ZNF805: variants seen among roughly 807,000 people sequenced by gnomAD.
ZNF805 encodes the protein zinc finger protein 805, also known as CTC-444N24.8.
Under a neutral mutation model 13.6 loss-of-function variants are expected in ZNF805, and 7 were observed. That is an observed-to-expected ratio of 0.51 (90% confidence interval 0.29 to 0.97). The LOEUF is 0.97. Among genes scored for constraint, ZNF805 ranks in the 50% least tolerant of loss-of-function variants. The probability of loss-of-function intolerance (pLI) is 0.08; values close to 1 mark genes in which losing one functional copy is unlikely to be tolerated. For synonymous variants in ZNF805, 293 were observed against 279.8 expected (o/e 1.05, Z -0.47); for missense variants, 604 against 771.0 (o/e 0.78, Z 2.57).
chr19:57,248,023 A>G (rs1412675738), intron 2 of ZNF805, among the ~76,000 whole-genome samples: 1 of 152,220 alleles, frequency 6.6e-6, no homozygotes, highest in African/African-American at 2.4e-5. Context: ...CCTGGCCATC[A>G]TAGTGAAACC....
At chr19:57,243,545 A>C (rs2087592231) in intron 1 of ZNF805, among the ~76,000 whole-genome samples, 1 of 152,190 alleles carries the variant, frequency 6.6e-6, no homozygotes, top group Non-Finnish European at 1.5e-5. Context: ...AGTTGCTTTA[A>C]AACAGAACAT....
At position 57,245,586 on chromosome 19, in the gene ZNF805, T is replaced by C. The variant is rs559246282; in HGVS notation, c.157+1537T>C. Among the ~76,000 whole-genome samples the C allele has an allele frequency of 1.6e-3, 238 of 149,224 alleles. 2 individuals are homozygous for C. Among genetic ancestry groups the C allele is most frequent in the East Asian group, 2.2e-3 (11 of 4,956 alleles). ...CAAGGTCAGGAGATAGAGACCATCCTGGCTAACACGGTGCAACCCTGTCTC... is the reference window on the plus strand; with the variant it reads ...CAAGGTCAGGAGATAGAGACCATCCCGGCTAACACGGTGCAACCCTGTCTC... On this transcript the variant is annotated intron_variant, in intron 2 of 3. Coordinates refer to ENST00000414468, the MANE Select transcript of ZNF805 (RefSeq NM_001023563.4).
chr19:57,250,223 A>T (rs1311916847), intron 3 of ZNF805, among the ~76,000 whole-genome samples: 1 of 151,898 alleles, frequency 6.6e-6, no homozygotes, highest in Non-Finnish European at 1.5e-5. Context: ...CCTCCATGAG[A>T]CCTATCCTTC....
At chr19:57,248,756 G>T (rs2087634655) in intron 3 of ZNF805, 56 bp downstream of exon 3, 3 of 1,436,598 alleles carry the variant, frequency 2.1e-6, no homozygotes, top group Non-Finnish European at 1.9e-6. Flanking sequence ...ACTTCGAGGA[G>T]ACCACTGGCC....
At chr19:57,245,682 G>A (rs536236520) in intron 2 of ZNF805, among the ~76,000 whole-genome samples, 1 of 151,702 alleles carries the variant, frequency 6.6e-6, no homozygotes, top group East Asian at 2.0e-4. Context: ...GGGAGGCTGA[G>A]GCAGGAGAAT....
intron 2 of ZNF805, among the ~76,000 whole-genome samples, chr19:57,248,198 G>T (rs1252671951): frequency 6.8e-6 from 1 of 146,936 alleles, no homozygotes; most frequent in Non-Finnish European, 1.5e-5. Flanking sequence ...ATAAAACATT[G>T]CTTAGGATGT....
In ZNF805 at chr19:57,253,150, C is replaced by A; in HGVS notation, c.331C>A (p.Gln111Lys). Residue 111 changes from glutamine to lysine, a missense_variant, in exon 4 of 4, where the codon CAA becomes AAA. By Grantham distance (53) the Gln-to-Lys change is moderately conservative. Coordinates refer to ENST00000414468, the MANE Select transcript of ZNF805 (RefSeq NM_001023563.4). This position sits in a 1 kb window ranked among gnomAD's most constrained non-coding sequence, Gnocchi z 4.4. ...ALSEGISFWGQLTQGASGDSQ... is the reference protein window; with the variant it reads ...ALSEGISFWGKLTQGASGDSQ... ...GTCTGAAGGAATCTCTTTTTGGGGACAACTAACACAAGGAGCTTCAGGGGA... is the reference window on the plus strand; with the variant it reads ...GTCTGAAGGAATCTCTTTTTGGGGAAAACTAACACAAGGAGCTTCAGGGGA... 1 of 1,540,748 alleles carries A rather than the reference C, an allele frequency of 6.5e-7. No individual in the cohort carries two copies. The highest frequency in any genetic ancestry group is 8.7e-7 in the Non-Finnish European group (1 of 1,145,940).
intron 2 of ZNF805, among the ~76,000 whole-genome samples, chr19:57,246,276 C>A (rs568275212): frequency 1.3e-5 from 2 of 152,254 alleles, no homozygotes; most frequent in African/African-American, 4.8e-5. Flanking sequence ...TGGATTCAAG[C>A]ATTTCTCATG....
rs116705970 is a variant in ZNF805, at chr19:57,242,061, T to C, written c.30+1140T>C. On this transcript the variant is annotated intron_variant, in intron 1 of 3. Coordinates refer to ENST00000414468, the MANE Select transcript of ZNF805 (RefSeq NM_001023563.4). ...CTTGATGTGAACTGAGAAATGGGCA[T>C]TATTTATCATCTCATTTAATCCTGA... is the stretch of plus-strand genomic sequence containing the variant. Among the ~76,000 whole-genome samples the C allele has an allele frequency of 2.3e-3, 344 of 152,344 alleles. 3 individuals carry two copies. Among genetic ancestry groups the C allele is most frequent in the African/African-American group, 8.0e-3 (332 of 41,588 alleles).
rs376509002 is a variant in ZNF805, at chr19:57,254,145, C to G, written c.1326C>G (p.Phe442Leu). Residue 442 changes from phenylalanine to leucine, a missense_variant, in exon 4 of 4, where the codon TTC becomes TTG. By Grantham distance (22) the Phe-to-Leu change is conservative. This residue lies in a region of ZNF805 where 228 missense variants were observed against 352.8 expected (regional missense o/e 0.65). Coordinates refer to ENST00000414468, the MANE Select transcript of ZNF805 (RefSeq NM_001023563.4). ...CGKAFTHCSTFILHKRAHTGE... is the reference protein window; with the variant it reads ...CGKAFTHCSTLILHKRAHTGE... ...AGGCCTTCACCCACTGCTCTACTTT[C>G]ATCTTGCATAAAAGGGCCCACACTG... 44 of 1,613,590 alleles carry G rather than the reference C, an allele frequency of 2.7e-5. No homozygotes were observed. The highest frequency in any genetic ancestry group is 3.3e-5 in the Non-Finnish European group (39 of 1,179,916).
chr19:57,253,006 G>C lies in ZNF805; in HGVS notation c.254-67G>C. 7.7e-7 allele frequency: 1 copy of C among 1,296,994 alleles called. No homozygotes were observed. Among genetic ancestry groups the C allele is most frequent in the South Asian group, 2.5e-5 (1 of 40,572 alleles). The allele number at this position is 1,296,994 out of a possible 1,614,324, so 80.3% of individuals were successfully genotyped here. A position where few individuals can be genotyped will look rare whatever the true frequency, so the allele number is the denominator to read the frequency against. Reference sequence around the variant, plus strand: ...TTATAACTTCATTTTTTTTACTGAAGTGGTGAGTTTGTTTCTTCTCTTTTT... The same window carrying C: ...TTATAACTTCATTTTTTTTACTGAACTGGTGAGTTTGTTTCTTCTCTTTTT... On this transcript the variant is annotated intron_variant, in intron 3 of 3. Coordinates refer to ENST00000414468, the MANE Select transcript of ZNF805 (RefSeq NM_001023563.4). This position sits in a 1 kb window ranked among gnomAD's most constrained non-coding sequence, Gnocchi z 4.4.
intron 2 of ZNF805, 33 bp downstream of exon 2, chr19:57,244,082 C>T: frequency 1.2e-6 from 2 of 1,601,300 alleles, no homozygotes; most frequent in Non-Finnish European, 1.7e-6. Flanking sequence ...TGCAGGGGAT[C>T]TGCCACCTCC....
At chr19:57,247,507 A>G (rs2087626461) in intron 2 of ZNF805, among the ~76,000 whole-genome samples, 3 of 152,118 alleles carry the variant, frequency 2.0e-5, no homozygotes, top group Admixed American at 2.0e-4. Flanking sequence ...CAGTGTTCTC[A>G]TTGTTCAAAT....
Position 57,256,343 on chromosome 19 carries a change from C to T in ZNF805, c.*1640C>T, listed in dbSNP as rs960097472. On this transcript the variant is annotated 3_prime_UTR_variant, in exon 4 of 4. Coordinates refer to ENST00000414468, the MANE Select transcript of ZNF805 (RefSeq NM_001023563.4). ...TTGATGTCTAGATGATAACTAACCT[C>T]CTAACATGAATTGGAAGGAATTCTC... Among the ~76,000 whole-genome samples, 4 of 152,082 alleles carry T rather than the reference C, an allele frequency of 2.6e-5. No individual in the cohort carries two copies. The highest frequency in any genetic ancestry group is 5.9e-5 in the Non-Finnish European group (4 of 67,968).
chr19:57,245,584 CCTGG>C (rs1327950518), intron 2 of ZNF805, among the ~76,000 whole-genome samples: 2 of 149,138 alleles, frequency 1.3e-5, no homozygotes, highest in African/African-American at 2.5e-5. Context: ...TAGAGACCAT[CCTGG>C]CTAACACGGT....
In ZNF805 at chr19:57,262,034, A is replaced by G. The variant is rs1467133795; in HGVS notation, c.*7331A>G. The G allele has an allele frequency of 1.8e-5, 3 of 166,000 alleles. No individual in the cohort carries two copies. Among genetic ancestry groups the G allele is most frequent in the East Asian group, 1.9e-4 (1 of 5,186 alleles). The allele number at this position is 166,000 out of a possible 1,614,324, so 10.3% of individuals were successfully genotyped here. A position where few individuals can be genotyped will look rare whatever the true frequency, so the allele number is the denominator to read the frequency against. ...GACTTGCTTTCTAGCACATACCACA[A>G]TTGTAGACCTCCAGAAGAACAGGAG... On this transcript the variant is annotated 3_prime_UTR_variant, in exon 4 of 4. Transcript: ENST00000414468.
intron 1 of ZNF805, among the ~76,000 whole-genome samples, chr19:57,243,570 A>C (rs2087592399): frequency 6.6e-6 from 1 of 152,212 alleles, no homozygotes; most frequent in Middle Eastern, 3.2e-3. Flanking sequence ...CTTCAGCATG[A>C]GCTGGACCAG....
chr19:57,245,750 G>A (rs2087613667), intron 2 of ZNF805, among the ~76,000 whole-genome samples: 1 of 151,482 alleles, frequency 6.6e-6, no homozygotes, highest in Non-Finnish European at 1.5e-5. Flanking sequence ...CTGCACTCCA[G>A]CCTGGGCGAC....
At position 57,260,205 on chromosome 19, in the gene ZNF805, C is replaced by G. The variant is rs575799666; in HGVS notation, c.*5502C>G. On this transcript the variant is annotated 3_prime_UTR_variant, in exon 4 of 4. Coordinates refer to ENST00000414468, the MANE Select transcript of ZNF805 (RefSeq NM_001023563.4). ...AACCAAACTTGTCTAAGTCCTCTGT[C>G]TTTCATACTCTTGTTTAGTCTTTAA... is the stretch of plus-strand genomic sequence containing the variant. Among the ~76,000 whole-genome samples, 1 of 152,292 alleles carries G rather than the reference C, an allele frequency of 6.6e-6. No homozygotes were observed. The highest frequency in any genetic ancestry group is 6.5e-5 in the Admixed American group (1 of 15,294).
Sources: allele counts gnomAD v4.1 joint callset (sites outside exome capture counted in the v4.1 genomes callset), GRCh38; gene constraint gnomAD v4.1.1; regional missense constraint gnomAD v4.1.1; non-coding constraint Gnocchi (gnomAD v3.1); transcripts MANE v1.5; gene names NCBI Gene and HGNC (gene_info 2026-07-23, HGNC 2026-07-21).